Variants in RAPGEF6 observed in about 807,000 individuals in gnomAD.
RAPGEF6 encodes the protein PDZ domain containing guanine nucleotide exchange factor (GEF) 2.
A neutral mutation model predicts 171.4 loss-of-function variants in RAPGEF6; 56 were observed. The ratio of observed to expected loss-of-function variants is 0.33; its 90% CI spans 0.26 to 0.41. The LOEUF is 0.41. Ranked by LOEUF, RAPGEF6 falls within the 10% of genes least tolerant of loss-of-function variation. RAPGEF6 has a pLI of 1.00. For synonymous variants in RAPGEF6, 692 were observed against 650.1 expected, an observed-to-expected ratio of 1.06 and a Z score of -0.98; for missense variants, 1,674 against 1,921.4, an observed-to-expected ratio of 0.87 and a Z score of 2.41.
intron 24 of RAPGEF6, among the ~76,000 whole-genome samples, chr5:131,439,311 C>T (rs1299620478): frequency 1.3e-5 from 2 of 152,098 alleles, no homozygotes; most frequent in Non-Finnish European, 2.9e-5. Flanking sequence ...GAATTTGCAC[C>T]AAAACTATGG....
Position 131,561,242 on chromosome 5 carries a change from C to G in RAPGEF6, c.351+736G>C, listed in dbSNP as rs1420462226. Among the ~76,000 whole-genome samples, 3 of 152,304 alleles carry G rather than the reference C, an allele frequency of 2.0e-5. 1 individual carries two copies. Among genetic ancestry groups the G allele is most frequent in the South Asian group, 4.1e-4 (2 of 4,826 alleles). ...TAATTAAAAAGTGAAAATACTAACACCATTTCTTACTTGGATCTAATTGTA... is the reference window on the plus strand; with the variant it reads ...TAATTAAAAAGTGAAAATACTAACAGCATTTCTTACTTGGATCTAATTGTA... On this transcript the variant is annotated intron_variant, in intron 5 of 27. Coordinates refer to ENST00000509018, the MANE Select transcript of RAPGEF6 (RefSeq NM_016340.6).
chr5:131,518,450 T>G (rs1464538117), intron 7 of RAPGEF6, among the ~76,000 whole-genome samples: 2 of 150,816 alleles, frequency 1.3e-5, no homozygotes, highest in Non-Finnish European at 2.9e-5. Flanking sequence ...CAGGCTGGAG[T>G]GCAATGGCGT....
intron 18 of RAPGEF6, 180 bp downstream of exon 18, chr5:131,463,861 A>G (rs1024442117): frequency 9.2e-6 from 12 of 1,302,050 alleles, no homozygotes; most frequent in African/African-American, 1.5e-5. Context: ...GAACTAGATT[A>G]TATCAGTGGT....
chr5:131,516,619 T>A (rs1360463052), intron 7 of RAPGEF6, among the ~76,000 whole-genome samples: 1 of 152,202 alleles, frequency 6.6e-6, no homozygotes, highest in Non-Finnish European at 1.5e-5. Flanking sequence ...AAAGACAACA[T>A]GCTTTTGTTC....
In RAPGEF6 at chr5:131,635,102, G is replaced by T; in HGVS notation, c.-72C>A. ...ACAGTTCATTCACACTAGGTAGCGG[G>T]TGCGGTACCTTTCCCCCGCCCCAAG... On this transcript the variant is annotated 5_prime_UTR_variant, in exon 1 of 28. Transcript: ENST00000509018. 2 of 1,423,264 alleles carry T rather than the reference G, an allele frequency of 1.4e-6. No homozygotes were observed. Among genetic ancestry groups the T allele is most frequent in the Non-Finnish European group, 1.9e-6 (2 of 1,058,712 alleles). 88.2% of individuals were successfully genotyped at this position (1,423,264 alleles called of 1,614,324 possible).
intron 6 of RAPGEF6, among the ~76,000 whole-genome samples, chr5:131,539,893 T>C (rs1760022350): frequency 6.6e-6 from 1 of 152,196 alleles, no homozygotes; most frequent in African/African-American, 2.4e-5. Flanking sequence ...AAGTAGATTC[T>C]AGCGTGTCAC....
rs759970200 is a variant in RAPGEF6, at chr5:131,455,949, G to A, written c.2928C>T (p.Tyr976=). 173 of 1,613,726 alleles carry A rather than the reference G, an allele frequency of 1.1e-4. No individual in the cohort carries two copies. Among genetic ancestry groups the A allele is most frequent in the Non-Finnish European group, 1.4e-4 (165 of 1,179,946 alleles). Residue 976 remains tyrosine (Y), a synonymous_variant, in exon 20 of 28, where the codon TAC becomes TAT. Transcript: ENST00000509018. The stretch of plus-strand genomic sequence containing the variant: ...CTTGTAGATCTTGAAGATGTTTCTC[G>A]TATTTGCTTGGTAACTTTTCCCAAG... ...RGTWEKLPSK[Y]EKHLQDLQDI...
At chr5:131,493,075 A>ATTTT (rs1401509009) in intron 13 of RAPGEF6, among the ~76,000 whole-genome samples, 2 of 151,660 alleles carry the variant, frequency 1.3e-5, no homozygotes, top group Non-Finnish European at 2.9e-5. Flanking sequence ...TTATTTATTT[A>ATTTT]TTTTTTTGAG....
rs1044002939 is a variant in RAPGEF6, at chr5:131,581,145, C to T, written c.281+11238G>A. ...TCCAAGCTCAGGTTGACTCTTTAGC[C>T]GCAGCTGTCCTCTAGAACCGCCGAG... On this transcript the variant is annotated intron_variant, in intron 4 of 27. Transcript: ENST00000509018. 6.6e-5 allele frequency among the ~76,000 whole-genome samples: 10 copies of T among 152,274 alleles called. No individual in the cohort carries two copies. In the South Asian group the frequency reaches 8.3e-4, roughly 13 times the overall value.
intron 1 of RAPGEF6, among the ~76,000 whole-genome samples, chr5:131,632,472 C>T (rs1766374038): frequency 6.6e-6 from 1 of 152,192 alleles, no homozygotes; most frequent in Non-Finnish European, 1.5e-5. Context: ...TGCTTTCAAT[C>T]CCTCTTACTC....
At chr5:131,536,204 CA>C (rs1010031884) in intron 6 of RAPGEF6, among the ~76,000 whole-genome samples, 3 of 152,044 alleles carry the variant, frequency 2.0e-5, no homozygotes, top group Non-Finnish European at 2.9e-5. Flanking sequence ...ATAGTGAAAA[CA>C]CTTTAAGTCT....
intron 6 of RAPGEF6, among the ~76,000 whole-genome samples, chr5:131,521,840 T>TACACACACAC (rs3992018): frequency 1.1e-3 from 106 of 97,246 alleles, no homozygotes; most frequent in East Asian, 2.8e-3. Context: ...AATGTTACCC[T>TACACACACAC]ACACACACAC....
At chr5:131,483,999 G>A (rs1755687305) in intron 15 of RAPGEF6, among the ~76,000 whole-genome samples, 1 of 150,352 alleles carries the variant, frequency 6.7e-6, no homozygotes, top group African/African-American at 2.4e-5. Context: ...GGGAAGCTGA[G>A]GCAGGAGAAT....
At position 131,479,715 on chromosome 5, in the gene RAPGEF6, AT is replaced by A; in HGVS notation, c.1878del (p.Lys626AsnfsTer73). 1 of 1,613,750 alleles carries A rather than the reference AT, an allele frequency of 6.2e-7. No homozygotes were observed. The highest frequency in any genetic ancestry group is 8.5e-7 in the Non-Finnish European group (1 of 1,179,866). On this transcript the variant is annotated frameshift_variant, in exon 16 of 28. Transcript: ENST00000509018. LOFTEE classifies it high-confidence loss of function. ...KELLFRTEQEKSGVPHIPKIA... is the reference protein window; with the variant it reads ...KELLFRTEQEXSGVPHIPKIA... ...ATTTTGGGAATATGAGGAACACCAG[AT>A]TTCTCTTGTTCAGTCCTAAAAAGTA... is the stretch of plus-strand genomic sequence containing the variant.
intron 15 of RAPGEF6, among the ~76,000 whole-genome samples, chr5:131,487,961 G>A (rs1335534784): frequency 6.7e-6 from 1 of 149,632 alleles, no homozygotes; most frequent in East Asian, 1.9e-4. Flanking sequence ...TTCCAGAATA[G>A]AAAGAGAGTA....
intron 3 of RAPGEF6, among the ~76,000 whole-genome samples, chr5:131,598,770 C>T (rs1764054054): frequency 6.6e-6 from 1 of 152,206 alleles, no homozygotes; most frequent in Non-Finnish European, 1.5e-5. Context: ...TGCAGATTGA[C>T]AGATTCATTG....
chr5:131,588,637 G>A (rs1390976902), intron 4 of RAPGEF6, among the ~76,000 whole-genome samples: 1 of 151,926 alleles, frequency 6.6e-6, no homozygotes, highest in African/African-American at 2.4e-5. Flanking sequence ...TAGCTACTTG[G>A]GATGCTGAAG....
Position 131,426,515 on chromosome 5 carries a change from C to A in RAPGEF6, c.*751G>T, listed in dbSNP as rs1655209441. On this transcript the variant is annotated 3_prime_UTR_variant, in exon 28 of 28. Transcript: ENST00000509018. The stretch of plus-strand genomic sequence containing the variant: ...TGGAAATTAGGGTTCCCACCCTCCT[C>A]CCCAAACTACTCCCTCCCATTTCCC... 6.6e-6 allele frequency: 1 copy of A among 152,318 alleles called. No individual in the cohort carries two copies. Among genetic ancestry groups the A allele is most frequent in the Non-Finnish European group, 1.5e-5 (1 of 68,034 alleles). 9.4% of individuals were successfully genotyped at this position (152,318 alleles called of 1,614,324 possible).
chr5:131,498,298 T>A, intron 12 of RAPGEF6, 145 bp downstream of exon 12: 1 of 752,682 alleles, frequency 1.3e-6, no homozygotes. Context: ...AAGCAGAGAA[T>A]GTTTATACTG....
Sources: allele counts gnomAD v4.1 joint callset (sites outside exome capture counted in the v4.1 genomes callset), GRCh38; gene constraint gnomAD v4.1.1; transcripts MANE v1.5; gene names NCBI Gene and HGNC (gene_info 2026-07-23, HGNC 2026-07-21).